The following GNAS-AS1 variants were observed in gnomAD, a reference collection of about 807,000 sequenced individuals.
GNAS-AS1 encodes GNAS antisense RNA 1, also known as GNAS antisense RNA 1 (non-protein coding).
In GNAS-AS1 at chr20:58,840,469, CGAGACCGACTTCGAGACCGAGCCT is replaced by C. The variant is rs758848179; in HGVS notation, n.819+1444_819+1467del. ...GCGAGACCGAGTCCGAAATCGAGTC[CGAGACCGACTTCGAGACCGAGCCT>C]GAGACCGCCCCCACCACTGAGCCCG... On this transcript the variant is annotated intron_variant and non_coding_transcript_variant, in intron 4 of 4. Coordinates refer to ENST00000424094, the Ensembl canonical transcript of GNAS-AS1. The surrounding 1 kb of genome is among the most constrained non-coding windows in gnomAD (Gnocchi z 6.0). 8 of 1,613,552 alleles carry C rather than the reference CGAGACCGACTTCGAGACCGAGCCT, an allele frequency of 5.0e-6. 1 individual carries two copies. The South Asian group carries it at 8.8e-5, about 18-fold the overall frequency.
At chr20:58,838,885 C>A (rs1177726490) in intron 4 of GNAS-AS1, 1 of 387,200 alleles carries the variant, frequency 2.6e-6, no homozygotes, top group East Asian at 3.6e-5. Flanking sequence ...TCAGTGCACT[C>A]CAGCTTGGGT....
chr20:58,841,624 C>T lies in GNAS-AS1; in HGVS notation n.819+313G>A. 9.4e-7 allele frequency: 1 copy of T among 1,067,552 alleles called. No homozygotes were observed. The highest frequency in any genetic ancestry group is 1.1e-6 in the Non-Finnish European group (1 of 883,386). 66.1% of individuals were successfully genotyped at this position (1,067,552 alleles called of 1,614,324 possible). On this transcript the variant is annotated intron_variant and non_coding_transcript_variant, in intron 4 of 4. Coordinates refer to ENST00000424094, the Ensembl canonical transcript of GNAS-AS1. The surrounding 1 kb of genome is among the most constrained non-coding windows in gnomAD (Gnocchi z 5.0). The stretch of plus-strand genomic sequence containing the variant: ...AGCGTGCGCACCTGCCCGCGCGCGC[C>T]GGAGCTGACCTCTCCCGGCGGCGGG...
intron 4 of GNAS-AS1, chr20:58,826,863 C>CTTTTTTTTTTTTTTTTTTTTTTT (rs57146714): frequency 4.0e-4 from 34 of 85,746 alleles, no homozygotes; most frequent in Non-Finnish European, 5.2e-4. Flanking sequence ...CCATGCCTGG[C>CTTTTTTTTTTTTTTTTTTTTTTT]TTTTTTTTTT....
intron 1 of GNAS-AS1, among the ~76,000 whole-genome samples, chr20:58,849,544 T>G (rs2086071222): frequency 6.6e-6 from 1 of 152,104 alleles, no homozygotes; most frequent in African/African-American, 2.4e-5. Context: ...GCTGCAAAAA[T>G]CTCCATCCCA....
intron 1 of GNAS-AS1, among the ~76,000 whole-genome samples, chr20:58,849,543 A>AGGG (rs2086071039): frequency 6.6e-6 from 1 of 152,078 alleles, no homozygotes; most frequent in African/African-American, 2.4e-5. Context: ...GGCTGCAAAA[A>AGGG]TCTCCATCCC....
chr20:58,847,538 G>A (rs559449548), intron 2 of GNAS-AS1, among the ~76,000 whole-genome samples: 1 of 152,352 alleles, frequency 6.6e-6, no homozygotes, highest in African/African-American at 2.4e-5. Flanking sequence ...AAGCTTCATA[G>A]TTGCCTAAAT....
chr20:58,820,995 T>G (rs1318290120), intron 4 of GNAS-AS1, among the ~76,000 whole-genome samples: 1 of 152,190 alleles, frequency 6.6e-6, no homozygotes, highest in African/African-American at 2.4e-5. Context: ...GCTCAGCTCC[T>G]GCTCTCCCCG....
chr20:58,837,902 T>C (rs1017678427), intron 4 of GNAS-AS1, among the ~76,000 whole-genome samples: 2 of 152,200 alleles, frequency 1.3e-5, no homozygotes, highest in African/African-American at 4.8e-5. Flanking sequence ...GGTGTGGTGT[T>C]GAAGGTGTGA....
chr20:58,841,316 G>T lies in GNAS-AS1; in HGVS notation n.819+621C>A, dbSNP rs2085714668. ...GGTGTCCAAAATGTGGTTCGGAGGT[G>T]CGCGCGCCAACTTTCACGATGTGAG... On this transcript the variant is annotated intron_variant and non_coding_transcript_variant, in intron 4 of 4. Coordinates refer to ENST00000424094, the Ensembl canonical transcript of GNAS-AS1. This position sits in a 1 kb window ranked among gnomAD's most constrained non-coding sequence, Gnocchi z 5.0. 5 of 1,054,814 alleles carry T rather than the reference G, an allele frequency of 4.7e-6. No homozygotes were observed. The highest frequency in any genetic ancestry group is 1.7e-5 in the African/African-American group (1 of 59,142). The allele number at this position is 1,054,814 out of a possible 1,614,324, so 65.3% of individuals were successfully genotyped here. A position where few individuals can be genotyped will look rare whatever the true frequency, so the allele number is the denominator to read the frequency against.
intron 2 of GNAS-AS1, among the ~76,000 whole-genome samples, chr20:58,844,730 A>T (rs2085877896): frequency 1.3e-5 from 2 of 152,104 alleles, no homozygotes; most frequent in African/African-American, 4.8e-5. Context: ...AGTTGCTCAA[A>T]TAAAAAGCAC....
chr20:58,848,331 G>A (rs1158602334), intron 2 of GNAS-AS1, among the ~76,000 whole-genome samples: 1 of 152,114 alleles, frequency 6.6e-6, no homozygotes, highest in Non-Finnish European at 1.5e-5. Flanking sequence ...CAGGGGTCAA[G>A]ACCCTGGCAC....
At chr20:58,849,388 T>TA (rs1165312317) in intron 1 of GNAS-AS1, among the ~76,000 whole-genome samples, 1 of 152,198 alleles carries the variant, frequency 6.6e-6, no homozygotes, top group African/African-American at 2.4e-5. Context: ...AGTGCGCCAA[T>TA]TGTTCAAGAT....
chr20:58,844,196 G>A (rs2085852648), intron 2 of GNAS-AS1: 1 of 152,186 alleles, frequency 6.6e-6, no homozygotes, highest in African/African-American at 2.4e-5. Context: ...AGAAACCATG[G>A]TGTGAGTAAA....
chr20:58,825,036 C>G (rs149113719), intron 4 of GNAS-AS1, among the ~76,000 whole-genome samples: 2 of 152,338 alleles, frequency 1.3e-5, no homozygotes, highest in African/African-American at 4.8e-5. Flanking sequence ...TACCGACTGT[C>G]TCTTGGCTGC....
chr20:58,840,623 G>C lies in GNAS-AS1; in HGVS notation n.819+1314C>G, dbSNP rs1162355754. ...CGCTCTCAAGTTGCGAAGCCCCGAC[G>C]CCTCCCCAAGTCGCGCGCCGCCCAG... On this transcript the variant is annotated intron_variant and non_coding_transcript_variant, in intron 4 of 4. Coordinates refer to ENST00000424094, the Ensembl canonical transcript of GNAS-AS1. This position sits in a 1 kb window ranked among gnomAD's most constrained non-coding sequence, Gnocchi z 6.0. 1.2e-6 allele frequency: 2 copies of C among 1,607,588 alleles called. No individual in the cohort carries two copies. Among genetic ancestry groups the C allele is most frequent in the East Asian group, 4.5e-5 (2 of 44,764 alleles).
chr20:58,819,336 CA>C, intron 4 of GNAS-AS1: 2 of 397,942 alleles, frequency 5.0e-6, no homozygotes, highest in Non-Finnish European at 4.4e-6. Context: ...ACCAGGCGCA[CA>C]CACACTCACC....
In GNAS-AS1 at chr20:58,841,442, C is replaced by T. The variant is rs1371986786; in HGVS notation, n.819+495G>A. ...CTGACCACCCGGGAGGGAAGTCACG[C>T]GCGCGCGGCGCCTAAGCAGCTCAGA... is the stretch of plus-strand genomic sequence containing the variant. On this transcript the variant is annotated intron_variant and non_coding_transcript_variant, in intron 4 of 4. Coordinates refer to ENST00000424094, the Ensembl canonical transcript of GNAS-AS1. The surrounding 1 kb of genome is among the most constrained non-coding windows in gnomAD (Gnocchi z 5.0). 5 of 992,356 alleles carry T rather than the reference C, an allele frequency of 5.0e-6. No homozygotes were observed. The highest frequency in any genetic ancestry group is 4.8e-6 in the Non-Finnish European group (4 of 834,416). The allele number at this position is 992,356 out of a possible 1,614,324, so 61.5% of individuals were successfully genotyped here.
chr20:58,834,967 G>A (rs867225091), intron 4 of GNAS-AS1, among the ~76,000 whole-genome samples: 1 of 152,158 alleles, frequency 6.6e-6, no homozygotes, highest in Non-Finnish European at 1.5e-5. Flanking sequence ...TCAGGAGCTC[G>A]AGGTTTTCAC....
Position 58,841,674 on chromosome 20 carries a change from A to C in GNAS-AS1, n.819+263T>G. ...GCGGTTAGGGGAAAGTACCTGGGGG[A>C]AAGGTAGAGGAGGTAAGGGGACCCT... On this transcript the variant is annotated intron_variant and non_coding_transcript_variant, in intron 4 of 4. Coordinates refer to ENST00000424094, the Ensembl canonical transcript of GNAS-AS1. The surrounding 1 kb of genome is among the most constrained non-coding windows in gnomAD (Gnocchi z 5.0). 1 of 1,164,918 alleles carries C rather than the reference A, an allele frequency of 8.6e-7. No homozygotes were observed. Among genetic ancestry groups the C allele is most frequent in the East Asian group, 3.9e-5 (1 of 25,972 alleles). 72.2% of individuals were successfully genotyped at this position (1,164,918 alleles called of 1,614,324 possible). A position where few individuals can be genotyped will look rare whatever the true frequency, so the allele number is the denominator to read the frequency against.
Sources: allele counts gnomAD v4.1 joint callset (sites outside exome capture counted in the v4.1 genomes callset), GRCh38; gene constraint gnomAD v4.1.1; non-coding constraint Gnocchi (gnomAD v3.1); transcripts MANE v1.5; gene names NCBI Gene and HGNC (gene_info 2026-07-23, HGNC 2026-07-21).